ZZEF1: variants seen among roughly 807,000 people sequenced by gnomAD.
ZZEF1 encodes the protein zinc finger ZZ-type and EF-hand domain containing 1, also known as zinc finger ZZ-type and EF-hand domain-containing protein 1.
A neutral mutation model predicts 342.8 loss-of-function variants in ZZEF1; 157 were observed. The ratio of observed to expected loss-of-function variants is 0.46; its 90% CI spans 0.40 to 0.52. The LOEUF is 0.52. Ranked by LOEUF, ZZEF1 falls within the 20% of genes least tolerant of loss-of-function variation. The pLI is 0.00. For synonymous variants in ZZEF1, 1,505 were observed against 1,429.1 expected, an observed-to-expected ratio of 1.05 and a Z score of -1.20; for missense variants, 3,480 against 3,725.6, an observed-to-expected ratio of 0.93 and a Z score of 1.72.
At position 4,058,558 on chromosome 17, in the gene ZZEF1, C is replaced by T. The variant is rs996985022; in HGVS notation, c.5004-403G>A. The stretch of plus-strand genomic sequence containing the variant: ...AAGAGGACTGGGAAATGGCTTTATA[C>T]TCGTTTTCAAACTGTACATAATACA... On this transcript the variant is annotated intron_variant, in intron 31 of 54. Coordinates refer to ENST00000381638, the MANE Select transcript of ZZEF1 (RefSeq NM_015113.4). 2.6e-5 allele frequency among the ~76,000 whole-genome samples: 4 copies of T among 152,264 alleles called. No individual in the cohort carries two copies. The South Asian group carries it at 6.2e-4, about 24-fold the overall frequency.
intron 23 of ZZEF1, among the ~76,000 whole-genome samples, 165 bp downstream of exon 23, chr17:4,074,932 G>C (rs2057580292): frequency 6.6e-6 from 1 of 152,246 alleles, no homozygotes; most frequent in African/African-American, 2.4e-5. Flanking sequence ...TACAAAACAG[G>C]TGACAGACTA....
chr17:4,014,869 C>CT lies in ZZEF1; in HGVS notation c.8146-355dup, dbSNP rs2056061065. Among the ~76,000 whole-genome samples, 4 of 152,114 alleles carry CT rather than the reference C, an allele frequency of 2.6e-5. No individual in the cohort carries two copies. The highest frequency in any genetic ancestry group is 9.7e-5 in the African/African-American group (4 of 41,418). ...GACAGGGTAACAGCCCTGTGAAGGT[C>CT]TAGCATGTTCAGGGAATGGCAAGGA... On this transcript the variant is annotated intron_variant, in intron 49 of 54. Coordinates refer to ENST00000381638, the MANE Select transcript of ZZEF1 (RefSeq NM_015113.4). The surrounding 1 kb of genome is among the most constrained non-coding windows in gnomAD (Gnocchi z 4.4).
At position 4,142,792 on chromosome 17, in the gene ZZEF1, G is replaced by C; in HGVS notation, c.104C>G (p.Pro35Arg). ...QDWAAVSGTT[P>R]GPGVAAPALP... ...CGCTGGAGCCGCGACGCCCGGGCCG[G>C]GGGTCGTGCCCGAGACCGCGGCCCA... is the stretch of plus-strand genomic sequence containing the variant. Residue 35 changes from proline (P) to arginine (R), a missense_variant, in exon 1 of 55, where the codon CCC (proline) becomes CGC (arginine). By Grantham distance (103) the Pro-to-Arg change is moderately radical (BLOSUM62 -2). Around this residue, in one of 5 missense-constraint regions of ZZEF1, gnomAD observed 416 missense variants for 374.2 expected, o/e 1.11. Coordinates refer to ENST00000381638, the MANE Select transcript of ZZEF1 (RefSeq NM_015113.4). 2.1e-6 allele frequency: 3 copies of C among 1,414,976 alleles called. No individual in the cohort carries two copies. The highest frequency in any genetic ancestry group is 5.9e-5 in the East Asian group (2 of 33,856). 87.7% of individuals were successfully genotyped at this position (1,414,976 alleles called of 1,614,324 possible). A position where few individuals can be genotyped will look rare whatever the true frequency, so the allele number is the denominator to read the frequency against.
At chr17:4,027,587 GC>G (rs370704687) in intron 42 of ZZEF1, among the ~76,000 whole-genome samples, 6 of 139,156 alleles carry the variant, frequency 4.3e-5, no homozygotes, top group African/African-American at 1.7e-4. Context: ...GAGCCACTGT[GC>G]CCTGCCTTTT....
intron 39 of ZZEF1, 140 bp from the exon 40 acceptor site, chr17:4,034,432 T>A (rs1468335169): frequency 1.3e-6 from 1 of 774,122 alleles, no homozygotes. Flanking sequence ...AAATGCCATA[T>A]GTATAATCAC....
chr17:4,018,756 T>C (rs1468812509), intron 46 of ZZEF1, among the ~76,000 whole-genome samples: 1 of 152,184 alleles, frequency 6.6e-6, no homozygotes, highest in Non-Finnish European at 1.5e-5. Flanking sequence ...CTAGATGTGC[T>C]GATGCCCCTG....
intron 42 of ZZEF1, among the ~76,000 whole-genome samples, chr17:4,029,604 A>G (rs919742470): frequency 1.3e-5 from 2 of 152,126 alleles, no homozygotes; most frequent in African/African-American, 4.8e-5. Context: ...GATGGCTCCT[A>G]CCTTAAGAAA....
chr17:4,053,812 G>A (rs1597818976), intron 34 of ZZEF1, among the ~76,000 whole-genome samples: 1 of 152,206 alleles, frequency 6.6e-6, no homozygotes, highest in East Asian at 1.9e-4. Context: ...TACATACACT[G>A]GTCCCGAGTG....
At chr17:4,081,572 G>A (rs761992908) in intron 17 of ZZEF1, 82 bp from the exon 18 acceptor site, 108 of 1,206,838 alleles carry the variant, frequency 8.9e-5, no homozygotes, top group African/African-American at 1.2e-4. Context: ...AAAACAGAGC[G>A]CAGAAAGGTT....
chr17:4,032,948 G>C lies in ZZEF1; in HGVS notation c.6639C>G (p.Asn2213Lys), dbSNP rs551251114. The change falls in exon 41 of 55, where the codon AAC becomes AAG. Residue 2213 changes from asparagine (N) to lysine (K), a missense_variant. Physicochemically the swap from Asn to Lys is moderately conservative, Grantham distance 94. Around this residue, in one of 5 missense-constraint regions of ZZEF1, gnomAD observed 1,269 missense variants for 1,342.4 expected, o/e 0.95. Coordinates refer to ENST00000381638, the MANE Select transcript of ZZEF1 (RefSeq NM_015113.4). Reference protein sequence around the residue: ...CSMAEILRSLNSAPLWRDVIA... With the variant: ...CSMAEILRSLKSAPLWRDVIA... Reference sequence around the variant, plus strand: ...TGACATCACGCCACAGTGGGGCACTGTTGAGTGACCGCAGGATCTCTGCCA... The same window carrying C: ...TGACATCACGCCACAGTGGGGCACTCTTGAGTGACCGCAGGATCTCTGCCA... 1 of 1,609,492 alleles carries C rather than the reference G, an allele frequency of 6.2e-7. No homozygotes were observed. The highest frequency in any genetic ancestry group is 2.2e-5 in the East Asian group (1 of 44,758).
chr17:4,080,456 C>T (rs1305946493), intron 18 of ZZEF1, among the ~76,000 whole-genome samples: 1 of 152,210 alleles, frequency 6.6e-6, no homozygotes, highest in Non-Finnish European at 1.5e-5. Flanking sequence ...TCTCCTGCCT[C>T]AGCCTCCCGA....
At chr17:4,129,821 T>C in intron 1 of ZZEF1, among the ~76,000 whole-genome samples, 1 of 152,142 alleles carries the variant, frequency 6.6e-6, no homozygotes. Context: ...CACCATGGAA[T>C]ACTATGCAGC....
Position 4,117,072 on chromosome 17 carries a change from C to T in ZZEF1, c.594G>A (p.Ala198=), listed in dbSNP as rs780791712. The T allele has an allele frequency of 2.4e-5, 38 of 1,614,026 alleles. No individual in the cohort carries two copies. The South Asian group carries it at 3.3e-4, about 14-fold the overall frequency. The change falls in exon 3 of 55, where the codon GCG becomes GCA. Residue 198 remains alanine, a synonymous_variant. Coordinates refer to ENST00000381638, the MANE Select transcript of ZZEF1 (RefSeq NM_015113.4). ...RFLHRNRLSS[A]VMPYPMLEHC... ...GCTCCAGCATCGGGTAGGGCATCACCGCGCTGGAGAGCCGATTGCGGTGCA... is the reference window on the plus strand; with the variant it reads ...GCTCCAGCATCGGGTAGGGCATCACTGCGCTGGAGAGCCGATTGCGGTGCA...
intron 1 of ZZEF1, among the ~76,000 whole-genome samples, chr17:4,136,277 G>A (rs1376413561): frequency 4.8e-4 from 73 of 150,636 alleles, no homozygotes; most frequent in African/African-American, 1.6e-3. Flanking sequence ...CTGGGAGGTG[G>A]AGGTTGCAGT....
chr17:4,116,958 C>CA lies in ZZEF1; in HGVS notation c.694+13_694+14insT. Reference sequence around the variant, plus strand: ...GATCAGAGTATTTTCAGGAGAACCCCCACACACACATACCCTTTTCCTTTT... The same window carrying CA: ...GATCAGAGTATTTTCAGGAGAACCCCACACACACACATACCCTTTTCCTTTT... On this transcript the variant is annotated intron_variant, in intron 3 of 54. Coordinates refer to ENST00000381638, the MANE Select transcript of ZZEF1 (RefSeq NM_015113.4). 6.4e-7 allele frequency: 1 copy of CA among 1,573,880 alleles called. No individual in the cohort carries two copies. The highest frequency in any genetic ancestry group is 8.7e-7 in the Non-Finnish European group (1 of 1,154,576).
In ZZEF1 at chr17:4,017,561, C is replaced by T. The variant is rs149374879; in HGVS notation, c.7811G>A (p.Arg2604Gln). 21 of 1,614,128 alleles carry T rather than the reference C, an allele frequency of 1.3e-5. No homozygotes were observed. Among genetic ancestry groups the T allele is most frequent in the African/African-American group, 2.7e-5 (2 of 74,934 alleles). The change falls in exon 48 of 55, where the codon CGG becomes CAG. Residue 2604 changes from arginine (R) to glutamine (Q), a missense_variant. Physicochemically the swap from Arg to Gln is conservative, Grantham distance 43. Around this residue, in one of 5 missense-constraint regions of ZZEF1, gnomAD observed 1,269 missense variants for 1,342.4 expected, o/e 0.95. Transcript: ENST00000381638. This position sits in a 1 kb window ranked among gnomAD's most constrained non-coding sequence, Gnocchi z 5.1. ...ELNCKSKRAV[R>Q]DYLFRVNEAT... ...CTCGTTCACTCGGAAGAGGTAGTCC[C>T]GGACAGCCCTCTTACTCTTGCAGTT...
At position 4,014,625 on chromosome 17, in the gene ZZEF1, A is replaced by T. The variant is rs756947164; in HGVS notation, c.8146-110T>A. The T allele has an allele frequency of 6.3e-5, 73 of 1,151,786 alleles. No homozygotes were observed. The highest frequency in any genetic ancestry group is 8.7e-5 in the Non-Finnish European group (68 of 783,690). 71.3% of individuals were successfully genotyped at this position (1,151,786 alleles called of 1,614,324 possible). A position where few individuals can be genotyped will look rare whatever the true frequency, so the allele number is the denominator to read the frequency against. On this transcript the variant is annotated intron_variant, in intron 49 of 54. Transcript: ENST00000381638. The surrounding 1 kb of genome is among the most constrained non-coding windows in gnomAD (Gnocchi z 4.4). Reference sequence around the variant, plus strand: ...GGACCCGGGTGTGTGAGAATGAGTGAACCACAGCCCTGGCCTCCAGGAGTG... The same window carrying T: ...GGACCCGGGTGTGTGAGAATGAGTGTACCACAGCCCTGGCCTCCAGGAGTG...
At chr17:4,071,075 T>C (rs996535089) in intron 25 of ZZEF1, 151 bp from the exon 26 acceptor site, 3 of 900,542 alleles carry the variant, frequency 3.3e-6, no homozygotes, top group Non-Finnish European at 4.9e-6. Context: ...GACAGAGATA[T>C]GAGTTAAAAA....
In ZZEF1 at chr17:4,066,439, A is replaced by T. The variant is rs2057398172; in HGVS notation, c.4249+8T>A. On this transcript the variant is annotated splice_region_variant and intron_variant, in intron 28 of 54. Coordinates refer to ENST00000381638, the MANE Select transcript of ZZEF1 (RefSeq NM_015113.4). ...CTCAGGGACAACAGCTGGTGTTAGC[A>T]CACTCACCCAGGCTCTCAGGGTTCA... The T allele has an allele frequency of 6.2e-7, 1 of 1,613,962 alleles. No homozygotes were observed. Among genetic ancestry groups the T allele is most frequent in the Non-Finnish European group, 8.5e-7 (1 of 1,179,838 alleles).
Sources: gnomAD v4.1 joint callset for allele counts (sites outside exome capture counted in the v4.1 genomes callset) on GRCh38, gnomAD v4.1.1 for gene constraint, gnomAD v4.1.1 regional missense constraint, Gnocchi (gnomAD v3.1) non-coding constraint, MANE v1.5 for transcripts, NCBI Gene and HGNC (gene_info 2026-07-23, HGNC 2026-07-21) for gene names.